The following PTPRN2 variants were observed in gnomAD, a reference collection of about 807,000 sequenced individuals.
PTPRN2 encodes the protein protein tyrosine phosphatase receptor type N2.
In PTPRN2, 74 loss-of-function variants were observed where a neutral mutation model predicts 118.8. The observed-to-expected ratio is 0.62, with a 90% CI of 0.52 to 0.76. The LOEUF (loss-of-function observed/expected upper bound fraction) is 0.76, where lower values mean the gene tolerates loss of function less well. PTPRN2 is among the 30% of genes least tolerant of loss of function. The probability of loss-of-function intolerance (pLI) is 0.00; values close to 1 mark genes in which losing one functional copy is unlikely to be tolerated. For missense variants in PTPRN2, 1,481 were observed against 1,394.4 expected (o/e 1.06, Z -0.99); for synonymous variants, 641 against 608.0 (o/e 1.05, Z -0.80).
chr7:157,982,288 G>C (rs1463429221), intron 11 of PTPRN2, among the ~76,000 whole-genome samples: 37 of 51,080 alleles, frequency 7.2e-4, no homozygotes, highest in African/African-American at 2.4e-3. Flanking sequence ...GGAATGCAGA[G>C]TGCAGGGTCC....
chr7:157,697,617 A>G (rs77128440), intron 12 of PTPRN2, among the ~76,000 whole-genome samples: 91 of 75,622 alleles, frequency 1.2e-3, no homozygotes, highest in Admixed American at 1.6e-3. Context: ...ACTGGGTCTT[A>G]GTAGAGCCCT....
At chr7:157,981,582 A>ATTT (rs33911310) in intron 11 of PTPRN2, among the ~76,000 whole-genome samples, 1 of 151,866 alleles carries the variant, frequency 6.6e-6, no homozygotes, top group African/African-American at 2.4e-5. Flanking sequence ...GAGTGATTCC[A>ATTT]TTTTTTTTTG....
chr7:158,536,453 C>A (rs1825649467), intron 1 of PTPRN2, among the ~76,000 whole-genome samples: 1 of 150,728 alleles, frequency 6.6e-6, no homozygotes, highest in Non-Finnish European at 1.5e-5. Flanking sequence ...CCCACAAGGG[C>A]CTTTCCAGCC....
At chr7:157,908,102 G>C (rs1356357977) in intron 11 of PTPRN2, among the ~76,000 whole-genome samples, 1 of 152,224 alleles carries the variant, frequency 6.6e-6, no homozygotes, top group Non-Finnish European at 1.5e-5. Context: ...GTGCACATGG[G>C]ACCGGCCGGC....
chr7:157,732,255 C>T (rs993127369), intron 12 of PTPRN2, among the ~76,000 whole-genome samples: 549 of 19,554 alleles, frequency 0.028, no homozygotes, highest in Admixed American at 0.05. Flanking sequence ...GTTACCCTTT[C>T]CCGTCCCACG....
intron 2 of PTPRN2, among the ~76,000 whole-genome samples, chr7:158,434,051 G>A (rs930099924): frequency 2.6e-5 from 4 of 151,810 alleles, no homozygotes; most frequent in Non-Finnish European, 4.4e-5. Context: ...GAAATACTCC[G>A]AATGATTTCA....
chr7:158,222,959 G>C (rs1181328806), intron 3 of PTPRN2, among the ~76,000 whole-genome samples: 5 of 151,812 alleles, frequency 3.3e-5, no homozygotes, highest in Non-Finnish European at 1.5e-5. Flanking sequence ...AAACAAGAGA[G>C]AAGACACAAA....
chr7:158,045,333 G>A (rs1808763896), intron 11 of PTPRN2, among the ~76,000 whole-genome samples: 1 of 152,176 alleles, frequency 6.6e-6, no homozygotes, highest in Non-Finnish European at 1.5e-5. Context: ...AAAAGTAATT[G>A]GAAAGATGTT....
In PTPRN2 at chr7:158,544,545, G is replaced by A. The variant is rs1219189333; in HGVS notation, c.112+43013C>T. ...CACAGCTACTTGGGATGCTGAAGCA[G>A]GAGAATCACTTGAACCTGGGACGTG... On this transcript the variant is annotated intron_variant, in intron 1 of 22. Transcript: ENST00000389418. This position sits in a 1 kb window ranked among gnomAD's most constrained non-coding sequence, Gnocchi z 4.2. Among the ~76,000 whole-genome samples, 1 of 152,070 alleles carries A rather than the reference G, an allele frequency of 6.6e-6. No homozygotes were observed. Among genetic ancestry groups the A allele is most frequent in the Non-Finnish European group, 1.5e-5 (1 of 68,034 alleles).
chr7:158,157,714 G>T lies in PTPRN2; in HGVS notation c.910+9217C>A, dbSNP rs534400524. 1.8e-4 allele frequency among the ~76,000 whole-genome samples: 28 copies of T among 152,252 alleles called. No homozygotes were observed. In the South Asian group the frequency reaches 5.8e-3, roughly 32 times the overall value. On this transcript the variant is annotated intron_variant, in intron 6 of 22. Coordinates refer to ENST00000389418, the MANE Select transcript of PTPRN2 (RefSeq NM_002847.5). ...GTGTGTCCTCAAGGTGCAGTGAGAC[G>T]AACCCTGTTCCCGCTATATAAGCCA...
chr7:158,084,346 G>C (rs1388371218), intron 10 of PTPRN2, among the ~76,000 whole-genome samples: 1 of 151,654 alleles, frequency 6.6e-6, no homozygotes, highest in African/African-American at 2.4e-5. Flanking sequence ...TGGTCCAGGT[G>C]AGAGGCTTCT....
At chr7:158,140,851 C>G (rs540542956) in intron 6 of PTPRN2, among the ~76,000 whole-genome samples, 29 of 152,346 alleles carry the variant, frequency 1.9e-4, no homozygotes, top group South Asian at 6.2e-4. Flanking sequence ...AAAGAAGGTT[C>G]ATGGGCCCAT....
chr7:158,057,076 C>T (rs1258431900), intron 11 of PTPRN2, among the ~76,000 whole-genome samples: 1 of 152,232 alleles, frequency 6.6e-6, no homozygotes. Context: ...ATTGGCAACT[C>T]GGGGACGCTG....
chr7:158,565,204 G>A lies in PTPRN2; in HGVS notation c.112+22354C>T, dbSNP rs1224254642. ...CAGATCTGAGTATCAGGATCCAGCC[G>A]TATTTGACTTTTAGAGCTGCAATCT... On this transcript the variant is annotated intron_variant, in intron 1 of 22. Coordinates refer to ENST00000389418, the MANE Select transcript of PTPRN2 (RefSeq NM_002847.5). The surrounding 1 kb of genome is among the most constrained non-coding windows in gnomAD (Gnocchi z 4.6). Among the ~76,000 whole-genome samples the A allele has an allele frequency of 6.6e-6, 1 of 152,152 alleles. No homozygotes were observed. Among genetic ancestry groups the A allele is most frequent in the Non-Finnish European group, 1.5e-5 (1 of 68,032 alleles).
intron 2 of PTPRN2, among the ~76,000 whole-genome samples, chr7:158,334,654 T>C (rs150838305): frequency 1.6e-4 from 5 of 32,126 alleles, no homozygotes; most frequent in East Asian, 1.1e-3. Flanking sequence ...CTCACCATAA[T>C]TGGTGACACC....
chr7:158,300,143 T>C (rs758498183), intron 3 of PTPRN2, among the ~76,000 whole-genome samples: 35 of 152,306 alleles, frequency 2.3e-4, no homozygotes, highest in Non-Finnish European at 3.5e-4. Context: ...GAAATGATGA[T>C]ATGGGTCAAT....
rs551634785 is a variant in PTPRN2, at chr7:157,944,947, C to A, written c.1724-46210G>T. ...TAAACAGAGACTCTGAAATAAACAC[C>A]GTGCCGAATGGAGCCTGTGCAGCTC... On this transcript the variant is annotated intron_variant, in intron 11 of 22. Coordinates refer to ENST00000389418, the MANE Select transcript of PTPRN2 (RefSeq NM_002847.5). This position sits in a 1 kb window ranked among gnomAD's most constrained non-coding sequence, Gnocchi z 4.3. 6.6e-6 allele frequency among the ~76,000 whole-genome samples: 1 copy of A among 152,168 alleles called. No homozygotes were observed. The highest frequency in any genetic ancestry group is 6.5e-5 in the Admixed American group (1 of 15,280).
intron 11 of PTPRN2, among the ~76,000 whole-genome samples, chr7:157,945,202 G>A (rs1438599008): frequency 6.6e-6 from 1 of 152,206 alleles, no homozygotes; most frequent in East Asian, 1.9e-4. Flanking sequence ...TCCCTCCCCA[G>A]GCACCTCCTG....
intron 2 of PTPRN2, among the ~76,000 whole-genome samples, chr7:158,372,235 C>T (rs34062284): frequency 0.79 from 110,986 of 140,428 alleles, 44,795 homozygotes; most frequent in East Asian, 0.99. Context: ...GGCTGGACCC[C>T]GGAGCTGGCC....
Sources: gnomAD v4.1 joint callset for allele counts (sites outside exome capture counted in the v4.1 genomes callset) on GRCh38, gnomAD v4.1.1 for gene constraint, Gnocchi (gnomAD v3.1) non-coding constraint, MANE v1.5 for transcripts, NCBI Gene and HGNC (gene_info 2026-07-23, HGNC 2026-07-21) for gene names.